TGFBR3: variants seen among roughly 807,000 people sequenced by gnomAD.
TGFBR3 encodes the protein transforming growth factor beta receptor 3.
A neutral mutation model predicts 87.9 loss-of-function variants in TGFBR3; 46 were observed. The observed-to-expected ratio is 0.52, with a 90% CI of 0.41 to 0.67. The LOEUF is 0.67. Ranked by LOEUF, TGFBR3 falls within the 30% of genes least tolerant of loss-of-function variation. The probability of loss-of-function intolerance (pLI) is 0.00; values close to 1 mark genes in which losing one functional copy is unlikely to be tolerated. For synonymous variants in TGFBR3, 381 were observed against 391.6 expected (o/e 0.97, Z 0.32); for missense variants, 866 against 1,041.9 (o/e 0.83, Z 2.32).
At chr1:91,875,882 G>A (rs1233855210) in intron 1 of TGFBR3, among the ~76,000 whole-genome samples, 5 of 121,792 alleles carry the variant, frequency 4.1e-5, no homozygotes, top group African/African-American at 1.6e-4. Context: ...ATGCACTCCA[G>A]CCTGGGCAAC....
intron 2 of TGFBR3, among the ~76,000 whole-genome samples, chr1:91,825,876 G>A (rs1286811106): frequency 6.6e-6 from 1 of 151,838 alleles, no homozygotes; most frequent in Non-Finnish European, 1.5e-5. Flanking sequence ...AGCTCTTCGG[G>A]AGGCTGAGGC....
At chr1:91,687,284 A>G (rs566330264) in intron 16 of TGFBR3, among the ~76,000 whole-genome samples, 1 of 152,322 alleles carries the variant, frequency 6.6e-6, no homozygotes, top group East Asian at 1.9e-4. Flanking sequence ...TCACCTGTGA[A>G]GAGCCTCTGC....
At chr1:91,831,387 C>A (rs1312460252) in intron 2 of TGFBR3, among the ~76,000 whole-genome samples, 4 of 152,162 alleles carry the variant, frequency 2.6e-5, no homozygotes, top group Non-Finnish European at 5.9e-5. Context: ...CATTCTTCGA[C>A]CCCAGTGCCA....
chr1:91,750,970 T>C (rs542521017), intron 4 of TGFBR3, among the ~76,000 whole-genome samples: 34 of 152,344 alleles, frequency 2.2e-4, no homozygotes, highest in African/African-American at 7.5e-4. Context: ...TAAACTGCAA[T>C]TCCCAATTTT....
chr1:91,786,705 C>T lies in TGFBR3; in HGVS notation c.246+10582G>A, dbSNP rs113651522. Reference sequence around the variant, plus strand: ...GGCGGAGGTTGCAGTCAACCAAGATCGCGCCAATGCACTCCAGCCTGGGTG... The same window carrying T: ...GGCGGAGGTTGCAGTCAACCAAGATTGCGCCAATGCACTCCAGCCTGGGTG... On this transcript the variant is annotated intron_variant, in intron 3 of 16. Coordinates refer to ENST00000212355, the MANE Select transcript of TGFBR3 (RefSeq NM_003243.5). 5.8e-3 allele frequency among the ~76,000 whole-genome samples: 872 copies of T among 151,098 alleles called. 16 individuals carry two copies. The highest frequency in any genetic ancestry group is 0.02 in the African/African-American group (835 of 41,104).
Position 91,861,592 on chromosome 1 carries a change from T to C in TGFBR3, c.-61A>G. 4.5e-6 allele frequency: 6 copies of C among 1,346,238 alleles called. No individual in the cohort carries two copies. Among genetic ancestry groups the C allele is most frequent in the Non-Finnish European group, 5.3e-6 (5 of 936,304 alleles). 83.4% of individuals were successfully genotyped at this position (1,346,238 alleles called of 1,614,324 possible). On this transcript the variant is annotated 5_prime_UTR_variant, in exon 2 of 17. Transcript: ENST00000212355. ...TTCAGCCTGCTCAGAGCACAGACAA[T>C]CTTTGCAAATCAGAAGTAGTCTTAA...
upstream of TGFBR3, among the ~76,000 whole-genome samples, chr1:91,890,903 C>CTTT (rs113072379): frequency 1.4e-5 from 2 of 147,074 alleles, no homozygotes; most frequent in East Asian, 4.1e-4. Flanking sequence ...CTCATATTTC[C>CTTT]TTTTTTTTTT....
intron 1 of TGFBR3, among the ~76,000 whole-genome samples, chr1:91,863,211 G>T (rs2101203061): frequency 6.6e-6 from 1 of 152,268 alleles, no homozygotes; most frequent in Admixed American, 6.5e-5. Context: ...ATTTCAAAAA[G>T]AATTTCTTAG....
chr1:91,755,593 T>G (rs1400675717), intron 4 of TGFBR3, among the ~76,000 whole-genome samples: 1 of 152,208 alleles, frequency 6.6e-6, no homozygotes, highest in Non-Finnish European at 1.5e-5. Flanking sequence ...TCTCCTTACA[T>G]GGGATTGATC....
At chr1:91,802,191 C>T (rs567381952) in intron 2 of TGFBR3, among the ~76,000 whole-genome samples, 1 of 152,246 alleles carries the variant, frequency 6.6e-6, no homozygotes, top group South Asian at 2.1e-4. Flanking sequence ...AGACGCTCTT[C>T]TGCCACCAGC....
intron 2 of TGFBR3, among the ~76,000 whole-genome samples, chr1:91,898,308 A>C (rs187104854): frequency 6.6e-6 from 1 of 152,324 alleles, no homozygotes. Flanking sequence ...ATTAGTATGA[A>C]TGTGTCCATT....
At chr1:91,846,211 C>G (rs984948741) in intron 2 of TGFBR3, among the ~76,000 whole-genome samples, 3 of 152,170 alleles carry the variant, frequency 2.0e-5, no homozygotes, top group Non-Finnish European at 4.4e-5. Flanking sequence ...ATCTCTGTAC[C>G]GTCTCTCTGC....
At chr1:91,829,726 C>CA (rs1676781356) in intron 2 of TGFBR3, 1 of 152,186 alleles carries the variant, frequency 6.6e-6, no homozygotes, top group Admixed American at 6.5e-5. Flanking sequence ...ACTCCAAACT[C>CA]AGTTGTTCCA....
At chr1:91,749,738 C>T (rs1284343792) in intron 4 of TGFBR3, among the ~76,000 whole-genome samples, 1 of 152,192 alleles carries the variant, frequency 6.6e-6, no homozygotes, top group Non-Finnish European at 1.5e-5. Flanking sequence ...GAACAAGGCA[C>T]AGCCACAGCC....
intron 2 of TGFBR3, among the ~76,000 whole-genome samples, chr1:91,801,885 C>T (rs903260578): frequency 6.6e-6 from 1 of 152,162 alleles, no homozygotes. Context: ...CAGCAACTTC[C>T]CGCTAGGAAT....
At chr1:91,756,476 C>T (rs1673748798) in intron 4 of TGFBR3, among the ~76,000 whole-genome samples, 2 of 151,734 alleles carry the variant, frequency 1.3e-5, no homozygotes. Flanking sequence ...CTTAACTTCT[C>T]TAAATCTTAG....
chr1:91,720,657 T>C (rs1193696721), intron 8 of TGFBR3, among the ~76,000 whole-genome samples: 1 of 152,252 alleles, frequency 6.6e-6, no homozygotes, highest in African/African-American at 2.4e-5. Context: ...AACTGCAATG[T>C]GCACCTAAGA....
chr1:91,881,724 T>C (rs145319437), intron 1 of TGFBR3, among the ~76,000 whole-genome samples: 1 of 152,060 alleles, frequency 6.6e-6, no homozygotes, highest in East Asian at 1.9e-4. Context: ...ACGTAGTAAA[T>C]GAAATAAAGG....
intron 3 of TGFBR3, among the ~76,000 whole-genome samples, chr1:91,784,370 G>A (rs967639855): frequency 1.3e-5 from 2 of 152,114 alleles, no homozygotes; most frequent in Admixed American, 1.3e-4. Context: ...AACATCCTTG[G>A]TGCCATGCAA....
Sources: gnomAD v4.1 joint callset for allele counts (sites outside exome capture counted in the v4.1 genomes callset) on GRCh38, gnomAD v4.1.1 for gene constraint, MANE v1.5 for transcripts, NCBI Gene and HGNC (gene_info 2026-07-23, HGNC 2026-07-21) for gene names.